Variants in RAB21 observed in about 807,000 individuals in gnomAD.
RAB21 encodes ras-related protein Rab-21.
In RAB21, 13 loss-of-function variants were observed where a neutral mutation model predicts 33.1. That is an observed-to-expected ratio of 0.39 (90% CI 0.26 to 0.62). The LOEUF (loss-of-function observed/expected upper bound fraction) is 0.62, where lower values mean the gene tolerates loss of function less well. Among genes scored for constraint, RAB21 ranks in the 20% least tolerant of loss-of-function variants. The pLI, the probability that RAB21 is intolerant of heterozygous loss-of-function variation, is 0.48. For synonymous variants in RAB21, 91 were observed against 103.7 expected (o/e 0.88, Z 0.74); for missense variants, 234 against 279.1 (o/e 0.84, Z 1.15).
At chr12:71,779,368 C>T (rs911661424) in intron 4 of RAB21, among the ~76,000 whole-genome samples, 20 of 152,222 alleles carry the variant, frequency 1.3e-4, no homozygotes, top group Non-Finnish European at 5.9e-5. Flanking sequence ...GCAGGAGAAT[C>T]GCTTGAGCCC....
In RAB21 at chr12:71,794,954, T is replaced by C. The variant is rs1883448144; in HGVS notation, c.*9281T>C. 6.6e-6 allele frequency: 1 copy of C among 151,274 alleles called. No homozygotes were observed. Among genetic ancestry groups the C allele is most frequent in the African/African-American group, 2.4e-5 (1 of 41,198 alleles). The allele number at this position is 151,274 out of a possible 1,614,324, so 9.4% of individuals were successfully genotyped here. ...TCTGTCTCAAAAAAAAAGTTAAAAGTTGTTAACTAGATGTCGAATTATTTT... is the reference window on the plus strand; with the variant it reads ...TCTGTCTCAAAAAAAAAGTTAAAAGCTGTTAACTAGATGTCGAATTATTTT... On this transcript the variant is annotated 3_prime_UTR_variant, in exon 7 of 7. Transcript: ENST00000261263.
At chr12:71,774,102 A>G (rs1017249093) in intron 4 of RAB21, 80 bp downstream of exon 4, 1 of 966,262 alleles carries the variant, frequency 1.0e-6, no homozygotes. Context: ...TTTTTGTTTT[A>G]AAGTTATATG....
rs183224104 is a variant in RAB21 at position 71,788,579 on chromosome 12, T to C, written c.*2906T>C. 82 of 152,326 alleles carry C rather than the reference T, an allele frequency of 5.4e-4. No homozygotes were observed. Among genetic ancestry groups the C allele is most frequent in the African/African-American group, 1.9e-3 (77 of 41,590 alleles). The allele number at this position is 152,326 out of a possible 1,614,324, so 9.4% of individuals were successfully genotyped here. A position where few individuals can be genotyped will look rare whatever the true frequency, so the allele number is the denominator to read the frequency against. On this transcript the variant is annotated 3_prime_UTR_variant, in exon 7 of 7. Transcript: ENST00000261263. ...TGATGCTTTCTTCATTTCTCTAATA[T>C]ACCTTTTGCATTCTTTTTCTGATAA...
chr12:71,772,214 C>T (rs1883053519), intron 3 of RAB21, among the ~76,000 whole-genome samples: 1 of 152,156 alleles, frequency 6.6e-6, no homozygotes, highest in Non-Finnish European at 1.5e-5. Context: ...TCCATCTGGC[C>T]TCTCACTATA....
chr12:71,763,635 A>G (rs1040771178), intron 1 of RAB21, among the ~76,000 whole-genome samples: 3 of 152,190 alleles, frequency 2.0e-5, no homozygotes, highest in African/African-American at 7.2e-5. Flanking sequence ...TCACTAAAGC[A>G]TAGAAGGTGA....
At chr12:71,755,371 T>G in intron 1 of RAB21, 83 bp downstream of exon 1, 1 of 1,384,440 alleles carries the variant, frequency 7.2e-7, no homozygotes, top group Middle Eastern at 2.1e-4. Flanking sequence ...CCTGGTCCCC[T>G]GGATGTAGGC....
At chr12:71,780,023 A>G (rs1883175198) in intron 4 of RAB21, among the ~76,000 whole-genome samples, 1 of 152,226 alleles carries the variant, frequency 6.6e-6, no homozygotes, top group African/African-American at 2.4e-5. Context: ...CTGATTATTC[A>G]AAGAAATAAT....
chr12:71,787,660 C>A lies in RAB21; in HGVS notation c.*1987C>A, dbSNP rs1016712737. 3 of 152,156 alleles carry A rather than the reference C, an allele frequency of 2.0e-5. No homozygotes were observed. Among genetic ancestry groups the A allele is most frequent in the African/African-American group, 7.2e-5 (3 of 41,428 alleles). The allele number at this position is 152,156 out of a possible 1,614,324, so 9.4% of individuals were successfully genotyped here. On this transcript the variant is annotated 3_prime_UTR_variant, in exon 7 of 7. Coordinates refer to ENST00000261263, the MANE Select transcript of RAB21 (RefSeq NM_014999.4). ...CTTAAACTGGGAGGCATTCTGTGAG[C>A]CTTCACTTTACCTTCTTTAATTATT...
At position 71,785,407 on chromosome 12, in the gene RAB21, A is replaced by G; in HGVS notation, c.536-124A>G. On this transcript the variant is annotated intron_variant, in intron 6 of 6. Transcript: ENST00000261263. ...GTTTTAGTGAGCTGACCCAATGTTC[A>G]TTATATTTAGTTTCTTTGTTGGTCG... The G allele has an allele frequency of 1.1e-5, 13 of 1,137,656 alleles. No homozygotes were observed. In the South Asian group the frequency reaches 1.9e-4, roughly 17 times the overall value. The allele number at this position is 1,137,656 out of a possible 1,614,324, so 70.5% of individuals were successfully genotyped here.
At chr12:71,755,406 C>T (rs2137634826) in intron 1 of RAB21, 118 bp downstream of exon 1, 1 of 1,224,336 alleles carries the variant, frequency 8.2e-7, no homozygotes, top group African/African-American at 1.6e-5. Context: ...CCTGTCATCT[C>T]CGCCTTCGGT....
chr12:71,773,544 A>G (rs1883074583), intron 3 of RAB21, among the ~76,000 whole-genome samples: 1 of 152,160 alleles, frequency 6.6e-6, no homozygotes, highest in Non-Finnish European at 1.5e-5. Context: ...TGTGACACTG[A>G]AGCTCCTTTG....
chr12:71,778,451 TG>T (rs1421597671), intron 4 of RAB21, among the ~76,000 whole-genome samples: 1 of 152,128 alleles, frequency 6.6e-6, no homozygotes, highest in Non-Finnish European at 1.5e-5. Flanking sequence ...GATGAAAAAA[TG>T]TGCTTAGAGA....
At chr12:71,777,576 T>C (rs979704814) in intron 4 of RAB21, among the ~76,000 whole-genome samples, 4 of 152,242 alleles carry the variant, frequency 2.6e-5, no homozygotes, top group Non-Finnish European at 5.9e-5. Context: ...ATGATGAAGA[T>C]TATATAATGA....
chr12:71,770,080 A>T (rs1273036369), intron 2 of RAB21, among the ~76,000 whole-genome samples: 3 of 152,134 alleles, frequency 2.0e-5, no homozygotes, highest in Non-Finnish European at 4.4e-5. Flanking sequence ...CACTTCAGAG[A>T]GAGGACAGGG....
chr12:71,756,104 A>G (rs887187549), intron 1 of RAB21, among the ~76,000 whole-genome samples: 13 of 152,324 alleles, frequency 8.5e-5, no homozygotes, highest in Non-Finnish European at 1.5e-4. Context: ...TTTTGATGTT[A>G]TTAGGAGAAA....
At chr12:71,768,155 C>T (rs891369665) in intron 1 of RAB21, among the ~76,000 whole-genome samples, 1 of 152,006 alleles carries the variant, frequency 6.6e-6, no homozygotes, top group Non-Finnish European at 1.5e-5. Context: ...TAGCTTGGGC[C>T]TTGAAGGCAG....
chr12:71,790,885 CTTTCTTTT>C lies in RAB21; in HGVS notation c.*5223_*5230del, dbSNP rs1359658956. On this transcript the variant is annotated 3_prime_UTR_variant, in exon 7 of 7. Coordinates refer to ENST00000261263, the MANE Select transcript of RAB21 (RefSeq NM_014999.4). The stretch of plus-strand genomic sequence containing the variant: ...TGTCTTGCCTTTTTCTTTTTTTTTT[CTTTCTTTT>C]TTTCTTTTTTAAAATAGCCTCTGAC... The C allele has an allele frequency of 1.4e-5, 2 of 145,114 alleles. No individual in the cohort carries two copies. Among genetic ancestry groups the C allele is most frequent in the Non-Finnish European group, 3.0e-5 (2 of 66,260 alleles). The allele number at this position is 145,114 out of a possible 1,614,324, so 9.0% of individuals were successfully genotyped here. A position where few individuals can be genotyped will look rare whatever the true frequency, so the allele number is the denominator to read the frequency against.
At chr12:71,765,218 C>A (rs913069044) in intron 1 of RAB21, among the ~76,000 whole-genome samples, 1 of 152,136 alleles carries the variant, frequency 6.6e-6, no homozygotes, top group Non-Finnish European at 1.5e-5. Flanking sequence ...TCATGTTGAG[C>A]ATTTCTTCAT....
rs911941972 is a variant in RAB21 at position 71,791,939 on chromosome 12, A to C, written c.*6266A>C. The C allele has an allele frequency of 1.3e-5, 2 of 152,202 alleles. No individual in the cohort carries two copies. Among genetic ancestry groups the C allele is most frequent in the Non-Finnish European group, 2.9e-5 (2 of 68,064 alleles). The allele number at this position is 152,202 out of a possible 1,614,324, so 9.4% of individuals were successfully genotyped here. On this transcript the variant is annotated 3_prime_UTR_variant, in exon 7 of 7. Transcript: ENST00000261263. ...GAATGCAGTAGCATGATCATAGCTC[A>C]TTGCAGCCTCAAACTCCTGGGCTTA...
Sources: gnomAD v4.1 joint callset for allele counts (sites outside exome capture counted in the v4.1 genomes callset) on GRCh38, gnomAD v4.1.1 for gene constraint, MANE v1.5 for transcripts, NCBI Gene and HGNC (gene_info 2026-07-23, HGNC 2026-07-21) for gene names.